Variants in SYN3 observed in about 807,000 individuals in gnomAD.
SYN3 encodes the protein synapsin III, also known as synapsin-3.
In SYN3, 35 loss-of-function variants were observed where a neutral mutation model predicts 65.8. That is an observed-to-expected ratio of 0.53 (90% CI 0.41 to 0.70). SYN3 has a LOEUF of 0.70. Ranked by LOEUF, SYN3 falls within the 30% of genes least tolerant of loss-of-function variation. The probability of loss-of-function intolerance (pLI) is 0.00; values close to 1 mark genes in which losing one functional copy is unlikely to be tolerated. For synonymous variants in SYN3, 270 were observed against 292.9 expected (o/e 0.92, Z 0.80); for missense variants, 680 against 749.0 (o/e 0.91, Z 1.08).
At chr22:32,662,449 T>C (rs2060229109) in intron 6 of SYN3, among the ~76,000 whole-genome samples, 2 of 152,338 alleles carry the variant, frequency 1.3e-5, no homozygotes, top group Admixed American at 1.3e-4. Context: ...CTTTGACTAC[T>C]TTGATTTTAT....
Position 32,747,195 on chromosome 22 carries a change from C to T in SYN3, c.711+117720G>A, listed in dbSNP as rs151069552. Among the ~76,000 whole-genome samples, 615 of 152,142 alleles carry T rather than the reference C, an allele frequency of 4.0e-3. 7 individuals carry two copies. Among genetic ancestry groups the T allele is most frequent in the African/African-American group, 0.014 (598 of 41,452 alleles). ...AATAGCACGATTTTTCTTTTTCAGACAAGTCGGACAAGACTGAGAGAGGCG... is the reference window on the plus strand; with the variant it reads ...AATAGCACGATTTTTCTTTTTCAGATAAGTCGGACAAGACTGAGAGAGGCG... On this transcript the variant is annotated intron_variant, in intron 6 of 13. Transcript: ENST00000358763.
intron 6 of SYN3, among the ~76,000 whole-genome samples, chr22:32,662,945 A>G (rs2060236057): frequency 6.6e-6 from 1 of 152,190 alleles, no homozygotes; most frequent in Non-Finnish European, 1.5e-5. Context: ...ACAACCAACC[A>G]AGAGATTCCC....
chr22:32,529,285 G>A (rs184326190), intron 10 of SYN3, among the ~76,000 whole-genome samples: 3 of 152,308 alleles, frequency 2.0e-5, no homozygotes, highest in Admixed American at 2.0e-4. Flanking sequence ...GACCTTTTCT[G>A]TGCTTTTCTT....
chr22:32,772,084 T>G (rs996110122), intron 6 of SYN3, among the ~76,000 whole-genome samples: 1 of 152,006 alleles, frequency 6.6e-6, no homozygotes, highest in Non-Finnish European at 1.5e-5. Context: ...GAAAAAGCCA[T>G]TAAGCCTGGA....
At chr22:32,976,237 T>C (rs926628362) in intron 3 of SYN3, among the ~76,000 whole-genome samples, 1 of 152,208 alleles carries the variant, frequency 6.6e-6, no homozygotes, top group Non-Finnish European at 1.5e-5. Context: ...CTAGTATTCA[T>C]ATGTAAATCC....
At chr22:32,583,429 G>GT (rs2058977648) in intron 7 of SYN3, 2 of 152,242 alleles carry the variant, frequency 1.3e-5, no homozygotes, top group African/African-American at 4.8e-5. Flanking sequence ...CCTGCTGATG[G>GT]TAAGAATGGG....
At chr22:32,816,209 G>C (rs2047084510) in intron 6 of SYN3, among the ~76,000 whole-genome samples, 1 of 152,064 alleles carries the variant, frequency 6.6e-6, no homozygotes, top group South Asian at 2.1e-4. Context: ...AATTGCAGGG[G>C]CGGGGGTAGG....
At chr22:32,530,686 T>C (rs2058053355) in intron 10 of SYN3, among the ~76,000 whole-genome samples, 1 of 151,880 alleles carries the variant, frequency 6.6e-6, no homozygotes, top group African/African-American at 2.4e-5. Context: ...CCACTTTGAT[T>C]AGGAAACTGA....
chr22:32,688,476 C>T (rs2060621575), intron 6 of SYN3, among the ~76,000 whole-genome samples: 1 of 152,096 alleles, frequency 6.6e-6, no homozygotes, highest in African/African-American at 2.4e-5. Context: ...TGTTAGCTGG[C>T]TCTGGGCAGC....
intron 6 of SYN3, among the ~76,000 whole-genome samples, chr22:32,783,925 G>A (rs1158657358): frequency 1.3e-5 from 2 of 152,166 alleles, no homozygotes; most frequent in Admixed American, 1.3e-4. Flanking sequence ...AACTATCTGT[G>A]CCTCAGTTTC....
chr22:32,852,427 T>C (rs1376999329), intron 6 of SYN3, among the ~76,000 whole-genome samples: 1 of 152,156 alleles, frequency 6.6e-6, no homozygotes, highest in Non-Finnish European at 1.5e-5. Flanking sequence ...GCAAAGGGTG[T>C]ATCAGAAAAA....
At chr22:32,752,544 T>G (rs1432428123) in intron 6 of SYN3, among the ~76,000 whole-genome samples, 6 of 152,248 alleles carry the variant, frequency 3.9e-5, no homozygotes, top group Non-Finnish European at 8.8e-5. Context: ...TGACTGCTTC[T>G]GCTACTCCTT....
intron 3 of SYN3, among the ~76,000 whole-genome samples, chr22:32,934,864 A>G (rs889571483): frequency 3.3e-5 from 5 of 152,136 alleles, no homozygotes; most frequent in African/African-American, 1.2e-4. Context: ...TTAGAAGAGA[A>G]GAGACGAGGA....
intron 6 of SYN3, among the ~76,000 whole-genome samples, chr22:32,799,658 G>A (rs946568814): frequency 3.3e-5 from 5 of 152,172 alleles, no homozygotes; most frequent in African/African-American, 1.2e-4. Flanking sequence ...TGTGGAATAA[G>A]TCATGTGGGG....
At chr22:32,767,278 G>A (rs73395522) in intron 6 of SYN3, among the ~76,000 whole-genome samples, 5,606 of 152,066 alleles carry the variant, frequency 0.037, 341 homozygotes, top group African/African-American at 0.13. Flanking sequence ...TTGTCTCCAC[G>A]TTTCTTAAAG....
rs572056709 is a variant in SYN3, at chr22:32,857,800, C to A, written c.711+7115G>T. Among the ~76,000 whole-genome samples the A allele has an allele frequency of 2.0e-5, 3 of 152,256 alleles. No individual in the cohort carries two copies. The East Asian group carries it at 5.8e-4, about 29-fold the overall frequency. ...TATTTAATGGGCTTGGGACCTTTGG[C>A]AAATCACTTTACCTCTCCAAGCCTC... On this transcript the variant is annotated intron_variant, in intron 6 of 13. Transcript: ENST00000358763.
At chr22:32,767,314 T>A (rs528418644) in intron 6 of SYN3, among the ~76,000 whole-genome samples, 2 of 152,324 alleles carry the variant, frequency 1.3e-5, no homozygotes, top group East Asian at 3.9e-4. Flanking sequence ...ACTGCTTTCA[T>A]GTCCCCTGCA....
chr22:32,537,246 G>A (rs947105648), intron 9 of SYN3, among the ~76,000 whole-genome samples: 2 of 151,376 alleles, frequency 1.3e-5, no homozygotes, highest in Admixed American at 6.6e-5. Context: ...CGCAACCTCC[G>A]CCTCCTGGGT....
At chr22:32,577,445 GC>G (rs1343110324) in intron 7 of SYN3, among the ~76,000 whole-genome samples, 4 of 152,156 alleles carry the variant, frequency 2.6e-5, no homozygotes, top group Non-Finnish European at 4.4e-5. Context: ...CCCTTGGGAG[GC>G]CCAATGTCCA....
Sources: allele counts gnomAD v4.1 joint callset (sites outside exome capture counted in the v4.1 genomes callset), GRCh38; gene constraint gnomAD v4.1.1; transcripts MANE v1.5; gene names NCBI Gene and HGNC (gene_info 2026-07-23, HGNC 2026-07-21).